Variants in NOTCH4 observed in about 807,000 individuals in gnomAD.
NOTCH4 encodes notch receptor 4, also known as neurogenic locus notch homolog protein 4.
Under a neutral mutation model 189.0 loss-of-function variants are expected in NOTCH4, and 138 were observed. That is an observed-to-expected ratio of 0.73 (90% CI 0.64 to 0.84). The LOEUF is 0.84. NOTCH4 is among the 40% of genes least tolerant of loss of function. The probability of loss-of-function intolerance (pLI) is 0.00; values close to 1 mark genes in which losing one functional copy is unlikely to be tolerated. For synonymous variants in NOTCH4, 942 were observed against 1,032.8 expected (o/e 0.91, Z 1.69); for missense variants, 2,286 against 2,605.4 (o/e 0.88, Z 2.67).
chr6:32,218,852 C>T (rs1789577150), intron 8 of NOTCH4, among the ~76,000 whole-genome samples: 2 of 152,198 alleles, frequency 1.3e-5, no homozygotes, highest in South Asian at 4.1e-4. Context: ...TGAATCTCAG[C>T]TCTGCCACTT....
intron 2 of NOTCH4, 56 bp downstream of exon 2, chr6:32,222,949 C>T (rs879213245): frequency 3.5e-5 from 54 of 1,557,968 alleles, no homozygotes; most frequent in South Asian, 4.5e-5. Context: ...ACCTCTCCCC[C>T]CCTGCTCTCC....
chr6:32,220,640 G>GCAAC lies in NOTCH4; in HGVS notation c.923_924insGTTG (p.Trp309LeufsTer10). On this transcript the variant is annotated frameshift_variant and splice_region_variant, in exon 6 of 30. Transcript: ENST00000375023. LOFTEE classifies it high-confidence loss of function. ...CATCCACATCTTCGGAGCAGTCCCA[G>GCAAC]CCTGCAGGGGGTTGGGGAGGGGACG... 6.2e-7 allele frequency: 1 copy of GCAAC among 1,613,548 alleles called. No homozygotes were observed. The highest frequency in any genetic ancestry group is 8.5e-7 in the Non-Finnish European group (1 of 1,179,534).
At position 32,201,001 on chromosome 6, in the gene NOTCH4, A is replaced by G. The variant is rs1467374982; in HGVS notation, c.4145T>C (p.Val1382Ala). Residue 1382 changes from valine (V) to alanine (A), a missense_variant, in exon 23 of 30, where the codon GTG becomes GCG. By Grantham distance (64) the Val-to-Ala change is moderately conservative. Around this residue, in one of 2 missense-constraint regions of NOTCH4, gnomAD observed 1,903 missense variants for 2,261.9 expected, o/e 0.84. Transcript: ENST00000375023. The surrounding 1 kb of genome is among the most constrained non-coding windows in gnomAD (Gnocchi z 5.5). ...GGACAAATCCACACCCATGACCACC[A>G]CAAACCTGTAGAGGAGGCACCTCAG... ...KETDSLSAGF[V>A]VVMGVDLSRC... 2.6e-6 allele frequency: 4 copies of G among 1,565,092 alleles called. No individual in the cohort carries two copies. The highest frequency in any genetic ancestry group is 3.5e-6 in the Non-Finnish European group (4 of 1,155,732).
chr6:32,223,340 C>T (rs1025955002), intron 1 of NOTCH4, among the ~76,000 whole-genome samples: 61 of 152,222 alleles, frequency 4.0e-4, no homozygotes, highest in African/African-American at 1.3e-3. Context: ...CTCCATCTCT[C>T]GGAAGCAAGA....
Position 32,201,801 on chromosome 6 carries a change from T to A in NOTCH4, c.3755+275A>T, listed in dbSNP as rs1372727647. On this transcript the variant is annotated intron_variant, in intron 21 of 29. Transcript: ENST00000375023. The surrounding 1 kb of genome is among the most constrained non-coding windows in gnomAD (Gnocchi z 5.5). ...GCTGACTGCTAGGGGAAATACTCCA[T>A]GGCAGCAAGGCTTAGGGAAGGAGGC... The A allele has an allele frequency of 2.4e-6, 1 of 411,188 alleles. No homozygotes were observed. Among genetic ancestry groups the A allele is most frequent in the East Asian group, 3.5e-5 (1 of 28,302 alleles). The allele number at this position is 411,188 out of a possible 1,614,324, so 25.5% of individuals were successfully genotyped here.
rs1561921202 is a variant in NOTCH4 at position 32,202,434 on chromosome 6, C to T, written c.3397G>A (p.Gly1133Ser). The part of the protein sequence containing the change: ...PDCLTPPAPK[G>S]CGPPSPCLYN... ...AGGCATGGGGAGGGAGGGCCACAGC[C>T]TTTAGGAGCTGGTGGGGTCAGGCAG... Residue 1133 changes from glycine to serine, a missense_variant, in exon 21 of 30, where the codon GGC (glycine) becomes AGC (serine). Transcript: ENST00000375023. The surrounding 1 kb of genome is among the most constrained non-coding windows in gnomAD (Gnocchi z 5.7). The T allele has an allele frequency of 2.5e-6, 4 of 1,612,212 alleles. No homozygotes were observed.
At chr6:32,219,460 G>A in intron 8 of NOTCH4, 132 bp downstream of exon 8, 1 of 813,516 alleles carries the variant, frequency 1.2e-6, no homozygotes. Context: ...TTCGTCTGGG[G>A]GTAGAGAGAG....
rs35795312 is a variant in NOTCH4, at chr6:32,223,881, TAGC to T, written c.45_47del (p.Leu16del). On this transcript the variant is annotated inframe_deletion, in exon 1 of 30. Coordinates refer to ENST00000375023, the MANE Select transcript of NOTCH4 (RefSeq NM_004557.4). ...CTCTGGGTCTGACCACTGAGACACA[TAGC>T]AGCAGCAGCAGCAGCAGCAGCAGCA... 0.28 allele frequency: 436,739 copies of T among 1,577,284 alleles called. 60,879 individuals carry two copies. Among genetic ancestry groups the T allele is most frequent in the African/African-American group, 0.53 (37,934 of 71,272 alleles).
At position 32,195,798 on chromosome 6, in the gene NOTCH4, A is replaced by G. The variant is rs775555470; in HGVS notation, c.5651T>C (p.Val1884Ala). The G allele has an allele frequency of 8.8e-5, 141 of 1,604,284 alleles. No individual in the cohort carries two copies. Among genetic ancestry groups the G allele is most frequent in the Non-Finnish European group, 1.1e-4 (127 of 1,179,362 alleles). ...CCCGCCCCCCCGCGCAGCCAAGTCT[A>G]CGGACCAAGTCCGAGCCTGCAGACA... ...GACLQARTWS[V>A]DLAARGGGAY... is the part of the protein sequence containing the mutation. The change falls in exon 30 of 30, where the codon GTA becomes GCA. Residue 1884 changes from valine to alanine, a missense_variant. Physicochemically the swap from Val to Ala is moderately conservative, Grantham distance 64. Coordinates refer to ENST00000375023, the MANE Select transcript of NOTCH4 (RefSeq NM_004557.4). This position sits in a 1 kb window ranked among gnomAD's most constrained non-coding sequence, Gnocchi z 5.4.
intron 18 of NOTCH4, among the ~76,000 whole-genome samples, chr6:32,206,457 AC>A (rs1485745509): frequency 6.6e-6 from 1 of 152,168 alleles, no homozygotes; most frequent in Non-Finnish European, 1.5e-5. Context: ...TATAATAGTT[AC>A]AAAAAATAAA....
intron 28 of NOTCH4, 96 bp downstream of exon 28, chr6:32,196,828 AG>A: frequency 1.4e-6 from 2 of 1,453,828 alleles, no homozygotes; most frequent in Non-Finnish European, 1.9e-6. Context: ...GCAGGATGAG[AG>A]GGAATGCCCC....
Position 32,198,700 on chromosome 6 carries a change from C to T in NOTCH4, c.4566G>A (p.Glu1522=), listed in dbSNP as rs1171345424. The T allele has an allele frequency of 1.2e-6, 2 of 1,612,576 alleles. No individual in the cohort carries two copies. The highest frequency in any genetic ancestry group is 3.3e-5 in the Admixed American group (2 of 59,922). The change falls in exon 25 of 30, where the codon GAG becomes GAA. Residue 1522 remains glutamate (E), a synonymous_variant. Coordinates refer to ENST00000375023, the MANE Select transcript of NOTCH4 (RefSeq NM_004557.4). This position sits in a 1 kb window ranked among gnomAD's most constrained non-coding sequence, Gnocchi z 5.5. ...GGCCTGAGCACATCACAACTCCATC[C>T]TCATCAACTTCTGCCTTTGGCTTCA... is the stretch of plus-strand genomic sequence containing the variant. ...KALKPKAEVD[E]DGVVMCSGPE... is the part of the protein sequence containing the mutation.
Position 32,202,555 on chromosome 6 carries a change from G to A in NOTCH4, c.3276C>T (p.Gly1092=), listed in dbSNP as rs772481116. 7.5e-6 allele frequency: 12 copies of A among 1,604,432 alleles called. No individual in the cohort carries two copies. Among genetic ancestry groups the A allele is most frequent in the Non-Finnish European group, 1.0e-5 (12 of 1,173,332 alleles). The part of the protein sequence containing the change: ...PTCSHRAPSC[G]FHHCHHGGLC... ...GGCCTCCGTGGTGGCAGTGATGGAA[G>A]CCGCAGGAAGGGGCCCTGTGGCTGC... is the stretch of plus-strand genomic sequence containing the variant. Residue 1092 remains glycine, a synonymous_variant, in exon 21 of 30, where the codon GGC becomes GGT. Coordinates refer to ENST00000375023, the MANE Select transcript of NOTCH4 (RefSeq NM_004557.4). This position sits in a 1 kb window ranked among gnomAD's most constrained non-coding sequence, Gnocchi z 5.7.
rs1031747375 is a variant in NOTCH4 at position 32,221,409 on chromosome 6, A to G, written c.452-84T>C. 6 of 954,996 alleles carry G rather than the reference A, an allele frequency of 6.3e-6. No individual in the cohort carries two copies. Among genetic ancestry groups the G allele is most frequent in the East Asian group, 4.9e-5 (2 of 40,840 alleles). The allele number at this position is 954,996 out of a possible 1,614,324, so 59.2% of individuals were successfully genotyped here. A position where few individuals can be genotyped will look rare whatever the true frequency, so the allele number is the denominator to read the frequency against. On this transcript the variant is annotated intron_variant, in intron 3 of 29. Transcript: ENST00000375023. The surrounding 1 kb of genome is among the most constrained non-coding windows in gnomAD (Gnocchi z 4.3). ...GGTTACCCAGTGCTCACTCTGGATTATCTCTGGGTCTCATTTTCATATTTC... is the reference window on the plus strand; with the variant it reads ...GGTTACCCAGTGCTCACTCTGGATTGTCTCTGGGTCTCATTTTCATATTTC...
In NOTCH4 at chr6:32,224,026, G is replaced by A. The variant is rs1789973060; in HGVS notation, c.-98C>T. The A allele has an allele frequency of 8.0e-7, 1 of 1,250,484 alleles. No individual in the cohort carries two copies. The highest frequency in any genetic ancestry group is 1.1e-6 in the Non-Finnish European group (1 of 923,694). The allele number at this position is 1,250,484 out of a possible 1,614,324, so 77.5% of individuals were successfully genotyped here. A position where few individuals can be genotyped will look rare whatever the true frequency, so the allele number is the denominator to read the frequency against. ...AGGAGCCACCTCCTCTGCTCCCACT[G>A]CCCCTCTTCTTCCTCCTCGGCCTGC... On this transcript the variant is annotated 5_prime_UTR_variant, in exon 1 of 30. Transcript: ENST00000375023.
chr6:32,206,082 T>C (rs1788661953), intron 18 of NOTCH4, among the ~76,000 whole-genome samples: 1 of 151,842 alleles, frequency 6.6e-6, no homozygotes, highest in Admixed American at 6.6e-5. Context: ...ATAAAAGCCA[T>C]ATATGACAAA....
chr6:32,197,614 A>C lies in NOTCH4; in HGVS notation c.4757-20T>G. ...CCCCATCTGTTGGTAAGACAGAGTA[A>C]TGGGTCAATCTAAAGGACACAACAA... is the stretch of plus-strand genomic sequence containing the variant. On this transcript the variant is annotated intron_variant, in intron 26 of 29. Coordinates refer to ENST00000375023, the MANE Select transcript of NOTCH4 (RefSeq NM_004557.4). 1 of 1,593,020 alleles carries C rather than the reference A, an allele frequency of 6.3e-7. No individual in the cohort carries two copies. The highest frequency in any genetic ancestry group is 2.3e-5 in the East Asian group (1 of 44,408).
In NOTCH4 at chr6:32,195,420, C is replaced by A; in HGVS notation, c.*17G>T. On this transcript the variant is annotated 3_prime_UTR_variant, in exon 30 of 30. Coordinates refer to ENST00000375023, the MANE Select transcript of NOTCH4 (RefSeq NM_004557.4). The surrounding 1 kb of genome is among the most constrained non-coding windows in gnomAD (Gnocchi z 5.4). The stretch of plus-strand genomic sequence containing the variant: ...ATGGGTAATCATTTTTGGAATTCCT[C>A]CCTACCATGTATTCTTCTATTTTTT... 1 of 1,548,818 alleles carries A rather than the reference C, an allele frequency of 6.5e-7. No individual in the cohort carries two copies. The highest frequency in any genetic ancestry group is 1.2e-5 in the South Asian group (1 of 81,362).
rs534019696 is a variant in NOTCH4, at chr6:32,220,166, C to G, written c.1278G>C (p.Gly426=). 1.3e-4 allele frequency: 214 copies of G among 1,613,790 alleles called. No individual in the cohort carries two copies. The highest frequency in any genetic ancestry group is 5.3e-4 in the Admixed American group (32 of 59,968). The change falls in exon 7 of 30, where the codon GGG becomes GGC. Residue 426 remains glycine, a synonymous_variant. Coordinates refer to ENST00000375023, the MANE Select transcript of NOTCH4 (RefSeq NM_004557.4). ...CGTCCAGGTCCTGGTGGCAGGTGGG[C>G]CCCGAATAGCCAGGCTGACACAGGC... ...TLCLCQPGYS[G]PTCHQDLDEC...
Sources: allele counts gnomAD v4.1 joint callset (sites outside exome capture counted in the v4.1 genomes callset), GRCh38; gene constraint gnomAD v4.1.1; regional missense constraint gnomAD v4.1.1; non-coding constraint Gnocchi (gnomAD v3.1); transcripts MANE v1.5; gene names NCBI Gene and HGNC (gene_info 2026-07-23, HGNC 2026-07-21).